Variants in NFKB1 observed in about 807,000 individuals in gnomAD.
NFKB1 encodes nuclear factor NF-kappa-B p105 subunit.
A neutral mutation model predicts 105.1 loss-of-function variants in NFKB1; 9 were observed. That is an observed-to-expected ratio of 0.09 (90% CI 0.05 to 0.15). NFKB1 has a LOEUF of 0.15. NFKB1 is among the 10% of genes least tolerant of loss of function. The probability of loss-of-function intolerance (pLI) is 1.00; values close to 1 mark genes in which losing one functional copy is unlikely to be tolerated. For missense variants in NFKB1, 830 were observed against 1,203.7 expected (o/e 0.69, Z 4.59); for synonymous variants, 440 against 442.2 (o/e 1.00, Z 0.06).
intron 15 of NFKB1, among the ~76,000 whole-genome samples, chr4:102,600,308 C>A (rs961310619): frequency 6.6e-6 from 1 of 152,172 alleles, no homozygotes; most frequent in Admixed American, 6.5e-5. Context: ...AATACAATCA[C>A]TTTGTTTCTT....
chr4:102,616,567 G>A lies in NFKB1; in HGVS notation c.2883G>A (p.Gln961=). ...TLNKMPHDYG[Q]EGPLEGKI is the part of the protein sequence containing the mutation. ...ACAAAATGCCCCATGATTATGGGCA[G>A]GAAGGACCTCTAGAAGGCAAAATTT... Residue 961 remains glutamine, a synonymous_variant, in exon 24 of 24, where the codon CAG becomes CAA. Coordinates refer to ENST00000226574, the MANE Select transcript of NFKB1 (RefSeq NM_003998.4). 1.9e-6 allele frequency: 3 copies of A among 1,614,110 alleles called. No homozygotes were observed. The highest frequency in any genetic ancestry group is 1.1e-5 in the South Asian group (1 of 91,076).
chr4:102,570,534 T>C (rs1288791999), intron 6 of NFKB1, among the ~76,000 whole-genome samples: 1 of 152,224 alleles, frequency 6.6e-6, no homozygotes, highest in Non-Finnish European at 1.5e-5. Flanking sequence ...AACATGCATG[T>C]GTCTTTATGG....
chr4:102,592,238 C>T (rs1023836556), intron 11 of NFKB1, among the ~76,000 whole-genome samples: 1 of 152,116 alleles, frequency 6.6e-6, no homozygotes, highest in Non-Finnish European at 1.5e-5. Flanking sequence ...TAGAATATTC[C>T]ATAAACTTAG....
At chr4:102,518,316 C>G (rs1220212954) in intron 1 of NFKB1, among the ~76,000 whole-genome samples, 1 of 152,132 alleles carries the variant, frequency 6.6e-6, no homozygotes, top group Non-Finnish European at 1.5e-5. Context: ...AAAGTTTTAA[C>G]AGTTTTAATT....
At position 102,576,423 on chromosome 4, in the gene NFKB1, T is replaced by G. The variant is rs576277563; in HGVS notation, c.408-453T>G. Among the ~76,000 whole-genome samples the G allele has an allele frequency of 5.3e-5, 8 of 152,320 alleles. No individual in the cohort carries two copies. In the South Asian group the frequency reaches 1.7e-3, roughly 32 times the overall value. On this transcript the variant is annotated intron_variant, in intron 6 of 23. Transcript: ENST00000226574. ...TTAAAATGAACCCGGTAAGACTTCC[T>G]CATTAAGACATATAGACACATATGC...
At chr4:102,559,481 A>G (rs972614413) in intron 5 of NFKB1, among the ~76,000 whole-genome samples, 1 of 152,062 alleles carries the variant, frequency 6.6e-6, no homozygotes, top group East Asian at 1.9e-4. Context: ...CAGGAGCAAA[A>G]GCTTAGGAGA....
chr4:102,567,519 T>G (rs1401965563), intron 6 of NFKB1, among the ~76,000 whole-genome samples: 2 of 152,192 alleles, frequency 1.3e-5, no homozygotes, highest in East Asian at 3.8e-4. Flanking sequence ...AATCATCACT[T>G]TATGTATATT....
intron 5 of NFKB1, among the ~76,000 whole-genome samples, chr4:102,546,860 T>G (rs1690133294): frequency 6.6e-6 from 1 of 152,154 alleles, no homozygotes; most frequent in South Asian, 2.1e-4. Flanking sequence ...GAAGATAAAA[T>G]GCCTCTCTTG....
intron 6 of NFKB1, 71 bp from the exon 7 acceptor site, chr4:102,576,805 C>A (rs1299452440): frequency 6.8e-7 from 1 of 1,473,752 alleles, no homozygotes; most frequent in East Asian, 2.3e-5. Context: ...ACAAGTGAAG[C>A]CAGATTCCCT....
chr4:102,521,168 A>G lies in NFKB1; in HGVS notation c.-7-4344A>G, dbSNP rs1248771088. On this transcript the variant is annotated intron_variant, in intron 1 of 23. Coordinates refer to ENST00000226574, the MANE Select transcript of NFKB1 (RefSeq NM_003998.4). Reference sequence around the variant, plus strand: ...TGAATATCCTTGTACTTATTTTTTTACACACTTGCTCAGATAATTTTTAAG... The same window carrying G: ...TGAATATCCTTGTACTTATTTTTTTGCACACTTGCTCAGATAATTTTTAAG... Among the ~76,000 whole-genome samples, 3 of 152,174 alleles carry G rather than the reference A, an allele frequency of 2.0e-5. No homozygotes were observed. The East Asian group carries it at 5.8e-4, about 29-fold the overall frequency.
Position 102,584,671 on chromosome 4 carries a change from G to A in NFKB1, c.928-11G>A, listed in dbSNP as rs189000340. 1.8e-5 allele frequency: 29 copies of A among 1,575,918 alleles called. No homozygotes were observed. Among genetic ancestry groups the A allele is most frequent in the Admixed American group, 1.2e-4 (6 of 52,004 alleles). ...GTCCTACACCAACATGTGGTTCTTC[G>A]TATCCTGCAGTTTGCCATTGTCTTC... On this transcript the variant is annotated splice_polypyrimidine_tract_variant and intron_variant, in intron 10 of 23. Coordinates refer to ENST00000226574, the MANE Select transcript of NFKB1 (RefSeq NM_003998.4).
rs114701694 is a variant in NFKB1, at chr4:102,553,553, A to T, written c.259-13434A>T. ...TTTTTGTTTTGGACACACTTTGATC[A>T]TATCTAATGTGTTCTACTTCCTCTA... On this transcript the variant is annotated intron_variant, in intron 5 of 23. Coordinates refer to ENST00000226574, the MANE Select transcript of NFKB1 (RefSeq NM_003998.4). Among the ~76,000 whole-genome samples, 527 of 152,296 alleles carry T rather than the reference A, an allele frequency of 3.5e-3. 4 individuals carry two copies. The highest frequency in any genetic ancestry group is 0.012 in the African/African-American group (515 of 41,572).
intron 4 of NFKB1, among the ~76,000 whole-genome samples, chr4:102,534,489 G>A (rs146577283): frequency 1.2e-4 from 18 of 152,310 alleles, no homozygotes; most frequent in African/African-American, 4.1e-4. Flanking sequence ...ACTAGAGTCT[G>A]TAGAGAATAG....
At chr4:102,501,979 A>G (rs1322476001) in intron 1 of NFKB1, 191 bp downstream of exon 1, 1 of 152,126 alleles carries the variant, frequency 6.6e-6, no homozygotes, top group Non-Finnish European at 1.5e-5. Context: ...GGAAAGACAC[A>G]TCCGGACCTC....
intron 5 of NFKB1, among the ~76,000 whole-genome samples, chr4:102,555,442 G>A (rs1722918421): frequency 6.6e-6 from 1 of 152,206 alleles, no homozygotes; most frequent in Admixed American, 6.5e-5. Context: ...GAGAGACGAA[G>A]ATATGCCCTT....
chr4:102,554,843 C>T (rs1722867421), intron 5 of NFKB1, among the ~76,000 whole-genome samples: 1 of 152,048 alleles, frequency 6.6e-6, no homozygotes, highest in Non-Finnish European at 1.5e-5. Flanking sequence ...TGGCCAAGCC[C>T]CCACACAATA....
chr4:102,596,076 T>C, intron 13 of NFKB1, 62 bp from the exon 14 acceptor site: 1 of 1,159,094 alleles, frequency 8.6e-7, no homozygotes, highest in Non-Finnish European at 1.2e-6. Context: ...TACATTGGAA[T>C]AGCGAATTAT....
At chr4:102,556,138 GC>G (rs988973454) in intron 5 of NFKB1, among the ~76,000 whole-genome samples, 5 of 152,198 alleles carry the variant, frequency 3.3e-5, no homozygotes, top group African/African-American at 1.2e-4. Flanking sequence ...CGATTTTGCT[GC>G]ACTTTTTTAG....
intron 5 of NFKB1, among the ~76,000 whole-genome samples, chr4:102,542,497 GCTCT>G (rs914914571): frequency 2.9e-4 from 43 of 148,886 alleles, no homozygotes; most frequent in Non-Finnish European, 4.3e-4. Context: ...GCTTTTGATA[GCTCT>G]CTCTCTCTCT....
Sources: allele counts gnomAD v4.1 joint callset (sites outside exome capture counted in the v4.1 genomes callset), GRCh38; gene constraint gnomAD v4.1.1; transcripts MANE v1.5; gene names NCBI Gene and HGNC (gene_info 2026-07-23, HGNC 2026-07-21).